The following AGTPBP1 variants were observed in gnomAD, a reference collection of about 807,000 sequenced individuals.
AGTPBP1 encodes ATP/GTP binding carboxypeptidase 1.
A neutral mutation model predicts 143.9 loss-of-function variants in AGTPBP1; 70 were observed. That is an observed-to-expected ratio of 0.49 (90% CI 0.40 to 0.59). The LOEUF (loss-of-function observed/expected upper bound fraction) is 0.59, where lower values mean the gene tolerates loss of function less well. Ranked by LOEUF, AGTPBP1 falls within the 20% of genes least tolerant of loss-of-function variation. The probability of loss-of-function intolerance (pLI) is 0.00; values close to 1 mark genes in which losing one functional copy is unlikely to be tolerated. For synonymous variants in AGTPBP1, 463 were observed against 500.2 expected (o/e 0.93, Z 0.99); for missense variants, 1,229 against 1,464.5 (o/e 0.84, Z 2.62).
At chr9:85,565,046 C>T (rs1426034743) in intron 25 of AGTPBP1, among the ~76,000 whole-genome samples, 1 of 152,198 alleles carries the variant, frequency 6.6e-6, no homozygotes. Flanking sequence ...CATTGCCTTG[C>T]TCTTGGACTT....
chr9:85,753,691 G>A, the AGTPBP1 span, among the ~76,000 whole-genome samples: 12 of 151,968 alleles, frequency 7.9e-5, no homozygotes, highest in Non-Finnish European at 5.9e-5. Flanking sequence ...GGTGGAGGCT[G>A]CAGTGAGCCG....
At chr9:85,618,666 C>A (rs1830733915) in intron 17 of AGTPBP1, among the ~76,000 whole-genome samples, 1 of 151,666 alleles carries the variant, frequency 6.6e-6, no homozygotes, top group African/African-American at 2.4e-5. Context: ...ACATAATATA[C>A]CATATTAACA....
chr9:85,667,025 T>A (rs1217977674), intron 8 of AGTPBP1, among the ~76,000 whole-genome samples: 1 of 152,084 alleles, frequency 6.6e-6, no homozygotes, highest in Non-Finnish European at 1.5e-5. Context: ...GCATAATAAA[T>A]TAAGTAACTT....
intron 1 of AGTPBP1, among the ~76,000 whole-genome samples, chr9:85,714,832 T>C (rs772111213): frequency 6.6e-6 from 1 of 152,182 alleles, no homozygotes; most frequent in Non-Finnish European, 1.5e-5. Context: ...ATATATGGTA[T>C]ATATCTGTTA....
the AGTPBP1 span, among the ~76,000 whole-genome samples, chr9:85,796,054 T>C: frequency 2.9e-4 from 44 of 152,120 alleles, no homozygotes; most frequent in African/African-American, 9.4e-4. Context: ...TGAGAATGGA[T>C]AATTGAGGTA....
chr9:85,578,805 T>C (rs1425450556), intron 24 of AGTPBP1, 115 bp downstream of exon 24: 2 of 1,041,054 alleles, frequency 1.9e-6, no homozygotes, highest in South Asian at 1.6e-5. Context: ...TATTACATAT[T>C]ACATGTAACT....
At chr9:85,751,613 C>CTTTTG in the AGTPBP1 span, among the ~76,000 whole-genome samples, 6 of 151,948 alleles carry the variant, frequency 3.9e-5, no homozygotes, top group East Asian at 7.8e-4. Flanking sequence ...AACATTGCAC[C>CTTTTG]TTTTGTTTTG....
intron 1 of AGTPBP1, among the ~76,000 whole-genome samples, chr9:85,723,492 T>C (rs1469959327): frequency 6.6e-6 from 1 of 152,182 alleles, no homozygotes; most frequent in Non-Finnish European, 1.5e-5. Context: ...GCGTGAGACC[T>C]GCTGAGCCAG....
intron 25 of AGTPBP1, among the ~76,000 whole-genome samples, chr9:85,560,977 C>T (rs1397183557): frequency 6.6e-6 from 1 of 152,140 alleles, no homozygotes; most frequent in African/African-American, 2.4e-5. Flanking sequence ...ATTTAAGAAA[C>T]TTTGGGAACC....
chr9:85,634,145 G>A (rs959656910), intron 13 of AGTPBP1, among the ~76,000 whole-genome samples: 1 of 134,004 alleles, frequency 7.5e-6, no homozygotes, highest in Non-Finnish European at 1.5e-5. Flanking sequence ...AGTGAACCGA[G>A]ATCATGCCAC....
At chr9:85,661,062 CAT>C in intron 8 of AGTPBP1, 89 bp from the exon 9 acceptor site, 1 of 1,137,498 alleles carries the variant, frequency 8.8e-7, no homozygotes, top group Middle Eastern at 2.0e-4. Context: ...TTCAATAAGT[CAT>C]TATTCTATTA....
At chr9:85,607,272 T>C (rs1830045813) in intron 17 of AGTPBP1, among the ~76,000 whole-genome samples, 1 of 152,124 alleles carries the variant, frequency 6.6e-6, no homozygotes, top group South Asian at 2.1e-4. Context: ...TCTCATGTGT[T>C]CTAATGTTAT....
At chr9:85,548,392 T>A (rs749676881) in intron 25 of AGTPBP1, among the ~76,000 whole-genome samples, 17 of 152,190 alleles carry the variant, frequency 1.1e-4, no homozygotes, top group Non-Finnish European at 2.2e-4. Flanking sequence ...TATACTTGCT[T>A]TAATCTTGCT....
chr9:85,564,499 G>A (rs760749346), intron 25 of AGTPBP1, among the ~76,000 whole-genome samples: 3 of 152,142 alleles, frequency 2.0e-5, no homozygotes, highest in South Asian at 2.1e-4. Flanking sequence ...TTCAGTCAAC[G>A]ATGTAATGCA....
At chr9:85,660,850 T>C (rs1833812648) in intron 9 of AGTPBP1, 86 bp downstream of exon 9, 6 of 1,069,686 alleles carry the variant, frequency 5.6e-6, no homozygotes, top group Non-Finnish European at 6.7e-6. Flanking sequence ...AACTATAGTC[T>C]AAATCTACAT....
intron 2 of AGTPBP1, among the ~76,000 whole-genome samples, chr9:85,703,181 C>T (rs1160724932): frequency 6.6e-6 from 1 of 152,136 alleles, no homozygotes; most frequent in Non-Finnish European, 1.5e-5. Context: ...TTGCCAATAA[C>T]TGAATTTTCA....
At chr9:85,603,810 A>C (rs1829821086) in intron 17 of AGTPBP1, among the ~76,000 whole-genome samples, 1 of 152,088 alleles carries the variant, frequency 6.6e-6, no homozygotes, top group African/African-American at 2.4e-5. Context: ...GACTGAAGAG[A>C]CCTTGTGCTT....
chr9:85,700,899 A>G (rs901250820), intron 2 of AGTPBP1, among the ~76,000 whole-genome samples: 1 of 152,194 alleles, frequency 6.6e-6, no homozygotes, highest in Non-Finnish European at 1.5e-5. Context: ...ACATAGCTAT[A>G]TATATTAAAC....
the AGTPBP1 span, among the ~76,000 whole-genome samples, chr9:85,780,818 T>C: frequency 6.6e-6 from 1 of 152,190 alleles, no homozygotes; most frequent in Non-Finnish European, 1.5e-5. Context: ...AGGGCCTATG[T>C]TAAAACATAA....
Sources: allele counts gnomAD v4.1 joint callset (sites outside exome capture counted in the v4.1 genomes callset), GRCh38; gene constraint gnomAD v4.1.1; transcripts MANE v1.5; gene names NCBI Gene and HGNC (gene_info 2026-07-23, HGNC 2026-07-21).